MAD1L1: variants seen among roughly 807,000 people sequenced by gnomAD.
MAD1L1 encodes the protein mitotic spindle assembly checkpoint protein MAD1.
Under a neutral mutation model 96.9 loss-of-function variants are expected in MAD1L1, and 95 were observed. The ratio of observed to expected loss-of-function variants is 0.98; its 90% CI spans 0.83 to 1.16. The LOEUF (loss-of-function observed/expected upper bound fraction) is 1.16, where lower values mean the gene tolerates loss of function less well. MAD1L1 is among the 50% of genes most tolerant of loss of function. MAD1L1 has a pLI of 0.00. For missense variants in MAD1L1, 1,007 were observed against 954.4 expected (o/e 1.06, Z -0.73); for synonymous variants, 473 against 396.6 (o/e 1.19, Z -2.29).
At chr7:2,128,841 G>T (rs965749082) in intron 11 of MAD1L1, among the ~76,000 whole-genome samples, 3 of 152,178 alleles carry the variant, frequency 2.0e-5, no homozygotes, top group Non-Finnish European at 4.4e-5. Flanking sequence ...GGAGCACAAG[G>T]CCCCATCTTC....
At chr7:2,160,680 T>C (rs546305678) in intron 10 of MAD1L1, among the ~76,000 whole-genome samples, 3 of 152,168 alleles carry the variant, frequency 2.0e-5, no homozygotes, top group Non-Finnish European at 4.4e-5. Flanking sequence ...TCGCCCAGGC[T>C]GGAGTGCAGT....
Position 2,146,301 on chromosome 7 carries a change from C to T in MAD1L1, c.1073+2851G>A, listed in dbSNP as rs1789296049. Among the ~76,000 whole-genome samples the T allele has an allele frequency of 6.6e-6, 1 of 151,046 alleles. No homozygotes were observed. Among genetic ancestry groups the T allele is most frequent in the Admixed American group, 6.6e-5 (1 of 15,218 alleles). On this transcript the variant is annotated intron_variant, in intron 11 of 18. Transcript: ENST00000265854. The surrounding 1 kb of genome is among the most constrained non-coding windows in gnomAD (Gnocchi z 6.2). ...AGGGTACCACCTCGATGAGGGAGCACCGGGCACTGGGCTACGAGGAACAGG... is the reference window on the plus strand; with the variant it reads ...AGGGTACCACCTCGATGAGGGAGCATCGGGCACTGGGCTACGAGGAACAGG...
chr7:1,929,239 C>T (rs561082361), intron 17 of MAD1L1, among the ~76,000 whole-genome samples: 1 of 152,310 alleles, frequency 6.6e-6, no homozygotes, highest in Non-Finnish European at 1.5e-5. Context: ...CTCCTCCATC[C>T]TCCCCCTGCC....
Position 2,215,904 on chromosome 7 carries a change from C to T in MAD1L1, c.905G>A (p.Gly302Asp). The T allele has an allele frequency of 6.2e-7, 1 of 1,614,204 alleles. No individual in the cohort carries two copies. The highest frequency in any genetic ancestry group is 1.1e-5 in the South Asian group (1 of 91,088). ...RQEKMQETLV[G>D]LELENERLLA... ...CCTCACCTCGTTCTCCAGCTCCAAGCCAACCAGCGTCTCCTGCATCTTCTC... is the reference window on the plus strand; with the variant it reads ...CCTCACCTCGTTCTCCAGCTCCAAGTCAACCAGCGTCTCCTGCATCTTCTC... Residue 302 changes from glycine to aspartate, a missense_variant, in exon 9 of 19, where the codon GGC (glycine) becomes GAC (aspartate). Gly to Asp is a moderately conservative substitution (Grantham distance 94). Transcript: ENST00000265854.
intron 11 of MAD1L1, among the ~76,000 whole-genome samples, chr7:2,092,898 C>A (rs1786287192): frequency 6.6e-6 from 1 of 152,136 alleles, no homozygotes; most frequent in Non-Finnish European, 1.5e-5. Context: ...CTATCTTCCT[C>A]TAGCAGATCA....
At chr7:2,211,047 GC>G (rs1221138097) in intron 10 of MAD1L1, among the ~76,000 whole-genome samples, 1 of 152,222 alleles carries the variant, frequency 6.6e-6, no homozygotes, top group Non-Finnish European at 1.5e-5. Context: ...GGCAGGGGGA[GC>G]CTTGAATCCA....
Position 1,968,525 on chromosome 7 carries a change from GTCAATGCCAGCGGTCATGTCCACCA to G in MAD1L1, c.1506-10831_1506-10807del, listed in dbSNP as rs1780271516. Among the ~76,000 whole-genome samples, 1 of 148,508 alleles carries G rather than the reference GTCAATGCCAGCGGTCATGTCCACCA, an allele frequency of 6.7e-6. No homozygotes were observed. Among genetic ancestry groups the G allele is most frequent in the Non-Finnish European group, 1.5e-5 (1 of 67,490 alleles). ...CCTCAGTCCGGCGGTCAGGTCCACC[GTCAATGCCAGCGGTCATGTCCACCA>G]TCAACGCCTCAGTCCAGCGGTCAGG... On this transcript the variant is annotated intron_variant, in intron 15 of 18. Transcript: ENST00000265854. The surrounding 1 kb of genome is among the most constrained non-coding windows in gnomAD (Gnocchi z 5.6).
At chr7:2,053,019 G>C (rs927019963) in intron 12 of MAD1L1, among the ~76,000 whole-genome samples, 13 of 152,196 alleles carry the variant, frequency 8.5e-5, no homozygotes. Flanking sequence ...GCCGCCTCCA[G>C]TGCCTGCATC....
intron 11 of MAD1L1, among the ~76,000 whole-genome samples, chr7:2,084,141 G>A (rs545461104): frequency 2.0e-5 from 3 of 152,346 alleles, no homozygotes; most frequent in African/African-American, 7.2e-5. Context: ...GGTGTGCGGT[G>A]GACACTCCGC....
intron 14 of MAD1L1, among the ~76,000 whole-genome samples, chr7:1,996,315 G>C (rs1202538641): frequency 1.4e-4 from 20 of 141,174 alleles, no homozygotes; most frequent in East Asian, 4.4e-4. Flanking sequence ...GGGTCCCCCC[G>C]GGTCTACACA....
chr7:1,898,224 G>A lies in MAD1L1; in HGVS notation c.1974C>T (p.His658=). The A allele has an allele frequency of 1.2e-6, 2 of 1,612,990 alleles. No individual in the cohort carries two copies. Among genetic ancestry groups the A allele is most frequent in the Non-Finnish European group, 1.7e-6 (2 of 1,179,508 alleles). Reference sequence around the variant, plus strand: ...CCTTGAAGATGAGGCAGTCGCCTGGGTGCTCGGCGTACAGCGAGGTCAGCC... The same window carrying A: ...CCTTGAAGATGAGGCAGTCGCCTGGATGCTCGGCGTACAGCGAGGTCAGCC... ...QYRLTSLYAE[H]PGDCLIFKAT... is the part of the protein sequence containing the mutation. The change falls in exon 18 of 19, where the codon CAC becomes CAT. Residue 658 remains histidine (H), a synonymous_variant. Coordinates refer to ENST00000265854, the MANE Select transcript of MAD1L1 (RefSeq NM_001013836.2).
At chr7:1,938,538 C>G (rs1205126374) in intron 16 of MAD1L1, among the ~76,000 whole-genome samples, 1 of 151,588 alleles carries the variant, frequency 6.6e-6, no homozygotes, top group Non-Finnish European at 1.5e-5. Flanking sequence ...GGTTCAGATC[C>G]AGAACATACG....
chr7:2,068,900 G>T (rs952507415), intron 12 of MAD1L1, among the ~76,000 whole-genome samples: 3 of 152,308 alleles, frequency 2.0e-5, no homozygotes, highest in South Asian at 4.1e-4. Context: ...CCTGCAGGGG[G>T]TCCGCAGTGA....
At chr7:1,947,241 G>A (rs550308101) in intron 16 of MAD1L1, among the ~76,000 whole-genome samples, 1 of 152,298 alleles carries the variant, frequency 6.6e-6, no homozygotes, top group South Asian at 2.1e-4. Context: ...CTATCCTCAA[G>A]GTCCCTGCTG....
chr7:2,171,669 G>A (rs976167584), intron 10 of MAD1L1, among the ~76,000 whole-genome samples: 2 of 151,012 alleles, frequency 1.3e-5, no homozygotes, highest in Admixed American at 1.3e-4. Context: ...GATGGGACAC[G>A]TATAGTCACC....
chr7:1,885,519 C>G (rs1426774712), intron 18 of MAD1L1, among the ~76,000 whole-genome samples: 1 of 152,174 alleles, frequency 6.6e-6, no homozygotes, highest in African/African-American at 2.4e-5. Context: ...GTCGGAAGGG[C>G]AGATTTCAGG....
chr7:2,116,908 G>A (rs564633908), intron 11 of MAD1L1, among the ~76,000 whole-genome samples: 2 of 152,198 alleles, frequency 1.3e-5, no homozygotes, highest in Non-Finnish European at 2.9e-5. Flanking sequence ...GAGGACAGTG[G>A]AGACAAAGAA....
Position 2,182,929 on chromosome 7 carries a change from A to C in MAD1L1, c.986+30283T>G, listed in dbSNP as rs368604733. 2.2e-4 allele frequency among the ~76,000 whole-genome samples: 33 copies of C among 152,316 alleles called. 2 individuals are homozygous for C. Among genetic ancestry groups the C allele is most frequent in the African/African-American group, 7.9e-4 (33 of 41,570 alleles). On this transcript the variant is annotated intron_variant, in intron 10 of 18. Coordinates refer to ENST00000265854, the MANE Select transcript of MAD1L1 (RefSeq NM_001013836.2). ...AAAAACCACCAAATTAAACACTTTA[A>C]AACAGACAAGCGGCAGGGCATGGTG...
intron 17 of MAD1L1, among the ~76,000 whole-genome samples, chr7:1,902,913 G>A (rs1787344120): frequency 6.6e-6 from 1 of 150,770 alleles, no homozygotes; most frequent in Admixed American, 6.6e-5. Context: ...AGTGGCCTAT[G>A]GAAGACGTTC....
Sources: gnomAD v4.1 joint callset for allele counts (sites outside exome capture counted in the v4.1 genomes callset) on GRCh38, gnomAD v4.1.1 for gene constraint, Gnocchi (gnomAD v3.1) non-coding constraint, MANE v1.5 for transcripts, NCBI Gene and HGNC (gene_info 2026-07-23, HGNC 2026-07-21) for gene names.